REELD1: variants seen among roughly 807,000 people sequenced by gnomAD.
REELD1 encodes reeler domain containing 1, also known as reelin domain-containing protein 1.
Under a neutral mutation model 6.3 loss-of-function variants are expected in REELD1, and 12 were observed. That is an observed-to-expected ratio of 1.89 (90% CI 1.21 to 3.07). The LOEUF is 3.07. Among genes scored for constraint, REELD1 ranks in the 30% most tolerant of loss-of-function variants. The pLI, the probability that REELD1 is intolerant of heterozygous loss-of-function variation, is 0.00. For synonymous variants in REELD1, 57 were observed against 33.6 expected, an observed-to-expected ratio of 1.70 and a Z score of -2.42; for missense variants, 163 against 86.8, an observed-to-expected ratio of 1.88 and a Z score of -3.49.
chr4:146,224,419 C>G, intron 4 of REELD1, 26 bp from the exon 5 acceptor site: 1 of 565,414 alleles, frequency 1.8e-6, no homozygotes. Flanking sequence ...AATCCGTGAA[C>G]TGCTCTGCTC....
chr4:146,228,833 A>G (rs1426789491), intron 6 of REELD1, among the ~76,000 whole-genome samples, 192 bp from the exon 7 acceptor site: 1 of 152,228 alleles, frequency 6.6e-6, no homozygotes, highest in African/African-American at 2.4e-5. Context: ...AATAAGCGAC[A>G]GCATTTGGTG....
At chr4:146,226,013 GTGTA>G (rs745600931) in intron 5 of REELD1, among the ~76,000 whole-genome samples, 38 of 152,248 alleles carry the variant, frequency 2.5e-4, no homozygotes, top group Non-Finnish European at 5.1e-4. Flanking sequence ...GCATGTGTGT[GTGTA>G]TGTATTCTGG....
chr4:146,216,765 A>G (rs1048405349), intron 2 of REELD1, among the ~76,000 whole-genome samples, 177 bp from the exon 3 acceptor site: 1 of 152,250 alleles, frequency 6.6e-6, no homozygotes, highest in Admixed American at 6.5e-5. Context: ...AACACTTCCT[A>G]TAGCCTGGCA....
Position 146,231,718 on chromosome 4 carries a change from G to T in REELD1, c.*1205G>T, listed in dbSNP as rs1458402739. On this transcript the variant is annotated 3_prime_UTR_variant, in exon 8 of 8. Transcript: ENST00000623665. ...CATTTAACTCTCACAAAAATTTAAT[G>T]AGGAATAAGTTCAGTAGCTTTCCAA... Among the ~76,000 whole-genome samples, 1 of 152,176 alleles carries T rather than the reference G, an allele frequency of 6.6e-6. No individual in the cohort carries two copies. The highest frequency in any genetic ancestry group is 1.5e-5 in the Non-Finnish European group (1 of 68,046).
intron 5 of REELD1, among the ~76,000 whole-genome samples, chr4:146,227,111 C>A (rs920792703): frequency 6.6e-6 from 1 of 152,190 alleles, no homozygotes; most frequent in African/African-American, 2.4e-5. Flanking sequence ...TGTCTCTTCC[C>A]AGTTTTGAGT....
chr4:146,218,321 A>G (rs568929593), intron 3 of REELD1, among the ~76,000 whole-genome samples: 2 of 152,018 alleles, frequency 1.3e-5, no homozygotes, highest in South Asian at 4.2e-4. Flanking sequence ...TCCACAGCTT[A>G]CCTTGGACCA....
Position 146,230,347 on chromosome 4 carries a change from A to G in REELD1, c.1415A>G (p.Gln472Arg). 1 of 398,802 alleles carries G rather than the reference A, an allele frequency of 2.5e-6. No individual in the cohort carries two copies. The highest frequency in any genetic ancestry group is 4.4e-6 in the Non-Finnish European group (1 of 226,184). 24.7% of individuals were successfully genotyped at this position (398,802 alleles called of 1,614,324 possible). ...LRYLHTQYCHQQTEVSFSEPA... is the reference protein window; with the variant it reads ...LRYLHTQYCHRQTEVSFSEPA... ...TACCTGCACACCCAGTATTGCCACC[A>G]GCAGACAGAAGTGTCTTTCAGTGAG... The change falls in exon 8 of 8, where the codon CAG becomes CGG. Residue 472 changes from glutamine to arginine, a missense_variant. Coordinates refer to ENST00000623665, the MANE Select transcript of REELD1 (RefSeq NM_001354631.1).
rs1730943978 is a variant in REELD1, at chr4:146,222,597, T to C, written c.431+18T>C. 5.0e-6 allele frequency: 2 copies of C among 398,536 alleles called. No individual in the cohort carries two copies. The allele number at this position is 398,536 out of a possible 1,614,324, so 24.7% of individuals were successfully genotyped here. On this transcript the variant is annotated intron_variant, in intron 4 of 7. Transcript: ENST00000623665. The stretch of plus-strand genomic sequence containing the variant: ...AAGTTCCTGTAAGAGAGTGAAGTGC[T>C]GTTTCTTAGAAACTGAGCCTTCTAC...
chr4:146,224,660 G>C (rs1189263556), intron 5 of REELD1, 52 bp downstream of exon 5: 5 of 691,002 alleles, frequency 7.2e-6, no homozygotes, highest in Non-Finnish European at 1.3e-5. Flanking sequence ...TATTTTTACA[G>C]TTATCTATTT....
intron 5 of REELD1, among the ~76,000 whole-genome samples, chr4:146,226,425 A>C (rs1315861264): frequency 2.0e-5 from 3 of 152,202 alleles, no homozygotes; most frequent in African/African-American, 4.8e-5. Context: ...TGAATAATTT[A>C]TAAACAATAG....
chr4:146,223,098 T>G (rs1730953586), intron 4 of REELD1, among the ~76,000 whole-genome samples: 1 of 152,234 alleles, frequency 6.6e-6, no homozygotes, highest in Non-Finnish European at 1.5e-5. Flanking sequence ...AGTAAGCACT[T>G]TAAAAGCATC....
At chr4:146,218,082 G>A (rs1730857335) in intron 3 of REELD1, among the ~76,000 whole-genome samples, 1 of 152,190 alleles carries the variant, frequency 6.6e-6, no homozygotes, top group South Asian at 2.1e-4. Flanking sequence ...AAGGGAGCTG[G>A]GCAAGAGGAG....
intron 4 of REELD1, 27 bp from the exon 5 acceptor site, chr4:146,224,418 A>G: frequency 1.8e-6 from 1 of 564,302 alleles, no homozygotes; most frequent in Non-Finnish European, 3.2e-6. Context: ...AAATCCGTGA[A>G]CTGCTCTGCT....
intron 3 of REELD1, among the ~76,000 whole-genome samples, chr4:146,220,569 C>T (rs779432288): frequency 6.6e-6 from 1 of 152,194 alleles, no homozygotes; most frequent in East Asian, 1.9e-4. Context: ...TTTCCTGCTC[C>T]GCCATCATCA....
chr4:146,231,669 C>A lies in REELD1; in HGVS notation c.*1156C>A, dbSNP rs146350802. On this transcript the variant is annotated 3_prime_UTR_variant, in exon 8 of 8. Coordinates refer to ENST00000623665, the MANE Select transcript of REELD1 (RefSeq NM_001354631.1). ...ACACCTAATTCATACGGGAACTGTG[C>A]TAAGTAGTTTGCGTATATCTTCACA... Among the ~76,000 whole-genome samples, 1 of 152,264 alleles carries A rather than the reference C, an allele frequency of 6.6e-6. No homozygotes were observed. The highest frequency in any genetic ancestry group is 1.9e-4 in the East Asian group (1 of 5,186).
At chr4:146,228,556 G>C (rs1445628991) in intron 6 of REELD1, 34 bp downstream of exon 6, 1 of 685,346 alleles carries the variant, frequency 1.5e-6, no homozygotes, top group Non-Finnish European at 2.7e-6. Context: ...CAGGACAGGT[G>C]ATGGGACTAG....
chr4:146,223,466 T>C (rs1256233192), intron 4 of REELD1, among the ~76,000 whole-genome samples: 2 of 152,244 alleles, frequency 1.3e-5, no homozygotes, highest in Admixed American at 1.3e-4. Context: ...TACCTGTGGG[T>C]GTGCCCAGCT....
chr4:146,226,974 C>A (rs1394372366), intron 5 of REELD1, among the ~76,000 whole-genome samples: 1 of 152,276 alleles, frequency 6.6e-6, no homozygotes, highest in African/African-American at 2.4e-5. Flanking sequence ...GGTTTCCCCA[C>A]GTTGGCCAGG....
At chr4:146,217,238 G>A in intron 3 of REELD1, 78 bp downstream of exon 3, 1 of 398,620 alleles carries the variant, frequency 2.5e-6, no homozygotes, top group Non-Finnish European at 4.4e-6. Flanking sequence ...GTTTGTCCCA[G>A]TCAGAAGCTT....
Sources: gnomAD v4.1 joint callset for allele counts (sites outside exome capture counted in the v4.1 genomes callset) on GRCh38, gnomAD v4.1.1 for gene constraint, MANE v1.5 for transcripts, NCBI Gene and HGNC (gene_info 2026-07-23, HGNC 2026-07-21) for gene names.